Variants in AEBP1 observed in about 807,000 individuals in gnomAD.
AEBP1 encodes the protein adipocyte enhancer-binding protein 1.
AEBP1 carries 69 observed loss-of-function variants against 116.5 expected under a neutral mutation model. The observed-to-expected ratio is 0.59, with a 90% CI of 0.49 to 0.72. The LOEUF (loss-of-function observed/expected upper bound fraction) is 0.72. Ranked by LOEUF, AEBP1 falls within the 30% of genes least tolerant of loss-of-function variation. The pLI, the probability that AEBP1 is intolerant of heterozygous loss-of-function variation, is 0.00. For missense variants in AEBP1, 1,444 were observed against 1,557.5 expected, an observed-to-expected ratio of 0.93 and a Z score of 1.23; for synonymous variants, 627 against 627.3, an observed-to-expected ratio of 1.00 and a Z score of 0.01.
Position 44,107,378 on chromosome 7 carries a change from G to T in AEBP1, c.596-61G>T. The T allele has an allele frequency of 6.4e-7, 1 of 1,551,736 alleles. No homozygotes were observed. Among genetic ancestry groups the T allele is most frequent in the Non-Finnish European group, 8.9e-7 (1 of 1,125,398 alleles). On this transcript the variant is annotated intron_variant, in intron 2 of 20. Coordinates refer to ENST00000223357, the MANE Select transcript of AEBP1 (RefSeq NM_001129.5). This position sits in a 1 kb window ranked among gnomAD's most constrained non-coding sequence, Gnocchi z 4.3. ...CTCTATGGGTGGCTGGTGGCCTGAG[G>T]CTCCCAAGGTGGTCAGAGCAGGCCT...
In AEBP1 at chr7:44,111,323, C is replaced by T; in HGVS notation, c.1716+84C>T. On this transcript the variant is annotated intron_variant, in intron 14 of 20. Coordinates refer to ENST00000223357, the MANE Select transcript of AEBP1 (RefSeq NM_001129.5). The surrounding 1 kb of genome is among the most constrained non-coding windows in gnomAD (Gnocchi z 4.7). The stretch of plus-strand genomic sequence containing the variant: ...GTGCCTGGTGCTTCTGTCACTGGGC[C>T]CAGTCCCTACTGGTTCCAGGGATGC... 7.0e-7 allele frequency: 1 copy of T among 1,418,596 alleles called. No individual in the cohort carries two copies. The highest frequency in any genetic ancestry group is 1.4e-5 in the African/African-American group (1 of 69,260). The allele number at this position is 1,418,596 out of a possible 1,614,324, so 87.9% of individuals were successfully genotyped here.
chr7:44,104,537 A>C lies in AEBP1; in HGVS notation c.-129A>C, dbSNP rs1586043349. The stretch of plus-strand genomic sequence containing the variant: ...CTCCCTTTCCCGGATTCCCTCGCTC[A>C]CCCCATCCTCTCTCCCGCCCCTTCC... On this transcript the variant is annotated 5_prime_UTR_variant, in exon 1 of 21. Coordinates refer to ENST00000223357, the MANE Select transcript of AEBP1 (RefSeq NM_001129.5). 3 of 551,952 alleles carry C rather than the reference A, an allele frequency of 5.4e-6. No individual in the cohort carries two copies. The highest frequency in any genetic ancestry group is 3.4e-5 in the South Asian group (1 of 29,580). The allele number at this position is 551,952 out of a possible 1,614,324, so 34.2% of individuals were successfully genotyped here.
rs751421512 is a variant in AEBP1 at position 44,104,681 on chromosome 7, G to A, written c.16G>A (p.Gly6Arg). MAAVR[G>R]APLLSCLLAL... ...TGCCGCGGCCATGGCGGCCGTGCGC[G>A]GGGCGCCCCTGCTCAGCTGCCTCCT... Residue 6 changes from glycine to arginine, a missense_variant, in exon 1 of 21, where the codon GGG becomes AGG. Physicochemically the swap from Gly to Arg is moderately radical, Grantham distance 125. Transcript: ENST00000223357. 3 of 1,531,780 alleles carry A rather than the reference G, an allele frequency of 2.0e-6. No homozygotes were observed. Among genetic ancestry groups the A allele is most frequent in the Non-Finnish European group, 2.6e-6 (3 of 1,142,914 alleles). 94.9% of individuals were successfully genotyped at this position (1,531,780 alleles called of 1,614,324 possible). A position where few individuals can be genotyped will look rare whatever the true frequency, so the allele number is the denominator to read the frequency against.
chr7:44,113,505 G>T lies in AEBP1; in HGVS notation c.2810-89G>T. 1 of 1,350,522 alleles carries T rather than the reference G, an allele frequency of 7.4e-7. No individual in the cohort carries two copies. Among genetic ancestry groups the T allele is most frequent in the Non-Finnish European group, 9.6e-7 (1 of 1,037,528 alleles). The allele number at this position is 1,350,522 out of a possible 1,614,324, so 83.7% of individuals were successfully genotyped here. The stretch of plus-strand genomic sequence containing the variant: ...GGTGCTGGGGGCGGGAACTCAGAGG[G>T]GGAGGGCGGGGCTGGGGGCAGGACT... On this transcript the variant is annotated intron_variant, in intron 20 of 20. Coordinates refer to ENST00000223357, the MANE Select transcript of AEBP1 (RefSeq NM_001129.5). The surrounding 1 kb of genome is among the most constrained non-coding windows in gnomAD (Gnocchi z 5.3).
chr7:44,113,263 C>T lies in AEBP1; in HGVS notation c.2721C>T (p.Gly907=). ...LLTFMEQVHR[G]IKGVVTDEQG... ...ACCTGCTTCCCTAGGTGCACCGCGGCATTAAGGGGGTGGTGACGGACGAGC... is the reference window on the plus strand; with the variant it reads ...ACCTGCTTCCCTAGGTGCACCGCGGTATTAAGGGGGTGGTGACGGACGAGC... The change falls in exon 20 of 21, where the codon GGC becomes GGT. Residue 907 remains glycine (G), a synonymous_variant. Coordinates refer to ENST00000223357, the MANE Select transcript of AEBP1 (RefSeq NM_001129.5). The surrounding 1 kb of genome is among the most constrained non-coding windows in gnomAD (Gnocchi z 5.3). 6.2e-7 allele frequency: 1 copy of T among 1,613,746 alleles called. No individual in the cohort carries two copies. The highest frequency in any genetic ancestry group is 8.5e-7 in the Non-Finnish European group (1 of 1,179,914).
rs113676804 is a variant in AEBP1 at position 44,113,946 on chromosome 7, C to T, written c.3162C>T (p.Pro1054=). ...LGPHTVPPTL[P]PAPATTLSTT... ...CCCACACTGTGCCTCCCACGCTGCC[C>T]CCTGCCCCTGCCACCACCCTGAGCA... Residue 1054 remains proline, a synonymous_variant, in exon 21 of 21, where the codon CCC becomes CCT. Transcript: ENST00000223357. This position sits in a 1 kb window ranked among gnomAD's most constrained non-coding sequence, Gnocchi z 5.3. The T allele has an allele frequency of 6.2e-7, 1 of 1,613,368 alleles. No individual in the cohort carries two copies. The highest frequency in any genetic ancestry group is 8.5e-7 in the Non-Finnish European group (1 of 1,179,738).
rs2096226343 is a variant in AEBP1, at chr7:44,109,312, A to T, written c.1121A>T (p.Glu374Val). The T allele has an allele frequency of 6.6e-7, 1 of 1,525,444 alleles. No homozygotes were observed. Among genetic ancestry groups the T allele is most frequent in the Non-Finnish European group, 8.9e-7 (1 of 1,127,706 alleles). 94.5% of individuals were successfully genotyped at this position (1,525,444 alleles called of 1,614,324 possible). ...GAGCCCCGAAAGGGCGAGGAGTTGG[A>T]GGAGGAGTGGACGCCTACGGAGAAA... ...HKEPRKGEELEEEWTPTEKVK... is the reference protein window; with the variant it reads ...HKEPRKGEELVEEWTPTEKVK... Residue 374 changes from glutamate to valine, a missense_variant, in exon 9 of 21, where the codon GAG becomes GTG. Transcript: ENST00000223357.
In AEBP1 at chr7:44,104,646, C is replaced by T; in HGVS notation, c.-20C>T. The T allele has an allele frequency of 1.4e-6, 2 of 1,437,558 alleles. No individual in the cohort carries two copies. Among genetic ancestry groups the T allele is most frequent in the Non-Finnish European group, 1.8e-6 (2 of 1,101,898 alleles). The allele number at this position is 1,437,558 out of a possible 1,614,324, so 89.1% of individuals were successfully genotyped here. ...TGACCCCCCGCGCCCTCCCCGGAGC[C>T]CCCCGCGCGTGCCGCGGCCATGGCG... On this transcript the variant is annotated 5_prime_UTR_variant, in exon 1 of 21. Transcript: ENST00000223357.
rs200174513 is a variant in AEBP1, at chr7:44,112,221, A to T, written c.2117A>T (p.Asn706Ile). 1.2e-4 allele frequency: 197 copies of T among 1,609,406 alleles called. 3 individuals carry two copies. The South Asian group carries it at 2.0e-3, about 16-fold the overall frequency. ...ATCTTTGAAGATTTCCCGGATCTCA[A>T]CTCTGTGCTCTGGGGAGCTGAGGAG... Reference protein sequence around the residue: ...FDIFEDFPDLNSVLWGAEERK... With the variant: ...FDIFEDFPDLISVLWGAEERK... The change falls in exon 17 of 21, where the codon AAC becomes ATC. Residue 706 changes from asparagine to isoleucine, a missense_variant. Transcript: ENST00000223357. The surrounding 1 kb of genome is among the most constrained non-coding windows in gnomAD (Gnocchi z 6.6).
chr7:44,107,364 G>T lies in AEBP1; in HGVS notation c.596-75G>T. ...AGGCTCTGTGTGGGCTCTATGGGTGGCTGGTGGCCTGAGGCTCCCAAGGTG... is the reference window on the plus strand; with the variant it reads ...AGGCTCTGTGTGGGCTCTATGGGTGTCTGGTGGCCTGAGGCTCCCAAGGTG... On this transcript the variant is annotated intron_variant, in intron 2 of 20. Transcript: ENST00000223357. The surrounding 1 kb of genome is among the most constrained non-coding windows in gnomAD (Gnocchi z 4.3). The T allele has an allele frequency of 6.9e-7, 1 of 1,451,906 alleles. No homozygotes were observed. The highest frequency in any genetic ancestry group is 2.3e-5 in the East Asian group (1 of 43,888). The allele number at this position is 1,451,906 out of a possible 1,614,324, so 89.9% of individuals were successfully genotyped here. A position where few individuals can be genotyped will look rare whatever the true frequency, so the allele number is the denominator to read the frequency against.
At position 44,110,112 on chromosome 7, in the gene AEBP1, G is replaced by A. The variant is rs754160370; in HGVS notation, c.1248G>A (p.Arg416=). The A allele has an allele frequency of 2.5e-6, 4 of 1,612,932 alleles. No homozygotes were observed. Among genetic ancestry groups the A allele is most frequent in the Non-Finnish European group, 3.4e-6 (4 of 1,179,986 alleles). Residue 416 remains arginine, a synonymous_variant, in exon 10 of 21, where the codon CGG becomes CGA. Coordinates refer to ENST00000223357, the MANE Select transcript of AEBP1 (RefSeq NM_001129.5). ...ACGGCCTGGGGGCACAGCGCGGCCGGCTCAACATGCAGGTGGGCATTGGGA... is the reference window on the plus strand; with the variant it reads ...ACGGCCTGGGGGCACAGCGCGGCCGACTCAACATGCAGGTGGGCATTGGGA... ...LRHGLGAQRG[R]LNMQTGATED...
In AEBP1 at chr7:44,113,341, C is replaced by G; in HGVS notation, c.2799C>G (p.Gly933=). 1 of 1,612,184 alleles carries G rather than the reference C, an allele frequency of 6.2e-7. No homozygotes were observed. The highest frequency in any genetic ancestry group is 8.5e-7 in the Non-Finnish European group (1 of 1,179,234). ...TCTCTGTGAGTGGCATTAATCACGG[C>G]GTGAAGACAGGTACCTAGTGTGCAC... ...ATISVSGINH[G]VKTASGGDYW... is the part of the protein sequence containing the mutation. Residue 933 remains glycine (G), a synonymous_variant, in exon 20 of 21, where the codon GGC becomes GGG. Coordinates refer to ENST00000223357, the MANE Select transcript of AEBP1 (RefSeq NM_001129.5). The surrounding 1 kb of genome is among the most constrained non-coding windows in gnomAD (Gnocchi z 5.3).
At position 44,112,297 on chromosome 7, in the gene AEBP1, A is replaced by G. The variant is rs1368595265; in HGVS notation, c.2193A>G (p.Glu731=). Residue 731 remains glutamate, a synonymous_variant, in exon 17 of 21, where the codon GAA becomes GAG. Transcript: ENST00000223357. The surrounding 1 kb of genome is among the most constrained non-coding windows in gnomAD (Gnocchi z 6.6). The part of the protein sequence containing the change: ...RVPNNNLPIP[E]RYLSPDATVS... ...CCAACAATAACTTGCCCATCCCTGA[A>G]CGCTACCTTTCGCCAGATGCCACGG... 2 of 1,565,728 alleles carry G rather than the reference A, an allele frequency of 1.3e-6. No homozygotes were observed. Among genetic ancestry groups the G allele is most frequent in the Non-Finnish European group, 1.7e-6 (2 of 1,153,204 alleles).
Position 44,104,688 on chromosome 7 carries a change from C to T in AEBP1, c.23C>T (p.Pro8Leu). ...GCCATGGCGGCCGTGCGCGGGGCGCCCCTGCTCAGCTGCCTCCTGGCGTTG... is the reference window on the plus strand; with the variant it reads ...GCCATGGCGGCCGTGCGCGGGGCGCTCCTGCTCAGCTGCCTCCTGGCGTTG... MAAVRGAPLLSCLLALLA... is the reference protein window; with the variant it reads MAAVRGALLLSCLLALLA... Residue 8 changes from proline to leucine, a missense_variant, in exon 1 of 21, where the codon CCC becomes CTC. Transcript: ENST00000223357. 6.3e-7 allele frequency: 1 copy of T among 1,586,268 alleles called. No homozygotes were observed.
In AEBP1 at chr7:44,111,047, C is replaced by T. The variant is rs1226812767; in HGVS notation, c.1620C>T (p.Cys540=). 3.7e-6 allele frequency: 6 copies of T among 1,609,538 alleles called. No individual in the cohort carries two copies. The highest frequency in any genetic ancestry group is 4.2e-6 in the Non-Finnish European group (5 of 1,177,212). The change falls in exon 13 of 21, where the codon TGC becomes TGT. Residue 540 remains cysteine (C), a synonymous_variant. Transcript: ENST00000223357. This position sits in a 1 kb window ranked among gnomAD's most constrained non-coding sequence, Gnocchi z 4.7. The part of the protein sequence containing the change: ...SLCMRLEVLG[C]SVAPVYSYYA... The stretch of plus-strand genomic sequence containing the variant: ...GCATGCGCCTGGAGGTGCTGGGGTG[C>T]TCTGTGGCCCGTGAGTGTGGAGGGC...
At position 44,113,435 on chromosome 7, in the gene AEBP1, G is replaced by T; in HGVS notation, c.2809+84G>T. The T allele has an allele frequency of 6.7e-7, 1 of 1,486,764 alleles. No individual in the cohort carries two copies. The highest frequency in any genetic ancestry group is 1.2e-5 in the South Asian group (1 of 81,450). The allele number at this position is 1,486,764 out of a possible 1,614,324, so 92.1% of individuals were successfully genotyped here. Reference sequence around the variant, plus strand: ...GGGGGCTTGAGGAACTCAGCGAGCAGGTAGAGTCTGGGGAGCCTGGGGGCG... The same window carrying T: ...GGGGGCTTGAGGAACTCAGCGAGCATGTAGAGTCTGGGGAGCCTGGGGGCG... On this transcript the variant is annotated intron_variant, in intron 20 of 20. Transcript: ENST00000223357. This position sits in a 1 kb window ranked among gnomAD's most constrained non-coding sequence, Gnocchi z 5.3.
Position 44,114,292 on chromosome 7 carries a change from C to T in AEBP1, c.*31C>T, listed in dbSNP as rs1170653917. 4 of 1,609,076 alleles carry T rather than the reference C, an allele frequency of 2.5e-6. No homozygotes were observed. Among genetic ancestry groups the T allele is most frequent in the Non-Finnish European group, 2.6e-6 (3 of 1,176,126 alleles). On this transcript the variant is annotated 3_prime_UTR_variant, in exon 21 of 21. Transcript: ENST00000223357. ...GCGTCCTACCAAGACCCCAGCCCAACTCAAGCTACAGCAGCAGCACTTCCC... is the reference window on the plus strand; with the variant it reads ...GCGTCCTACCAAGACCCCAGCCCAATTCAAGCTACAGCAGCAGCACTTCCC...
Position 44,113,355 on chromosome 7 carries a change from C to G in AEBP1, c.2809+4C>G, listed in dbSNP as rs368392974. 6.2e-7 allele frequency: 1 copy of G among 1,609,802 alleles called. No individual in the cohort carries two copies. The highest frequency in any genetic ancestry group is 8.5e-7 in the Non-Finnish European group (1 of 1,177,978). ...ATTAATCACGGCGTGAAGACAGGTA[C>G]CTAGTGTGCACACCTTTACCCCATC... is the stretch of plus-strand genomic sequence containing the variant. On this transcript the variant is annotated splice_donor_region_variant and intron_variant, in intron 20 of 20. Transcript: ENST00000223357. This position sits in a 1 kb window ranked among gnomAD's most constrained non-coding sequence, Gnocchi z 5.3.
rs988344071 is a variant in AEBP1, at chr7:44,107,134, C to G, written c.595+247C>G. On this transcript the variant is annotated intron_variant, in intron 2 of 20. Transcript: ENST00000223357. This position sits in a 1 kb window ranked among gnomAD's most constrained non-coding sequence, Gnocchi z 4.3. ...GGACCTCTGTCCCTCAGGCCCCTGC[C>G]CAGATGTCCCTGGGCTCTGAGCCCA... Among the ~76,000 whole-genome samples, 7 of 152,218 alleles carry G rather than the reference C, an allele frequency of 4.6e-5. No homozygotes were observed. The highest frequency in any genetic ancestry group is 1.4e-4 in the African/African-American group (6 of 41,464).
Sources: allele counts gnomAD v4.1 joint callset (sites outside exome capture counted in the v4.1 genomes callset), GRCh38; gene constraint gnomAD v4.1.1; non-coding constraint Gnocchi (gnomAD v3.1); transcripts MANE v1.5; gene names NCBI Gene and HGNC (gene_info 2026-07-23, HGNC 2026-07-21).